Variants in ATRX observed in about 807,000 individuals in gnomAD.
The protein encoded by ATRX is chromatin remodeler ATRX.
Under a neutral mutation model 172.6 loss-of-function variants are expected in ATRX, and 12 were observed. The observed-to-expected ratio is 0.07, with a 90% CI of 0.04 to 0.11. The LOEUF (loss-of-function observed/expected upper bound fraction) is 0.11, where lower values mean the gene tolerates loss of function less well. Among genes scored for constraint, ATRX ranks in the 10% least tolerant of loss-of-function variants. The pLI is 1.00. For missense variants in ATRX, 1,368 were observed against 1,767.4 expected, an observed-to-expected ratio of 0.77 and a Z score of 4.05; for synonymous variants, 674 against 594.7, an observed-to-expected ratio of 1.13 and a Z score of -1.94.
At chrX:77,536,859 G>A (rs781863343) in intron 30 of ATRX, among the ~76,000 whole-genome samples, 9 of 111,033 alleles carry the variant, frequency 8.1e-5, no homozygotes, top group East Asian at 5.6e-4. Context: ...ACACACGCAC[G>A]TGCACACACA....
chrX:77,696,574 T>C lies in ATRX; in HGVS notation c.370+3A>G. ...AACTTCATGAAAAATTAACACACAT[T>C]ACCTTTTGGCAAGCTCTGCATAGTA... On this transcript the variant is annotated splice_donor_region_variant and intron_variant, in intron 5 of 34. Transcript: ENST00000373344. The C allele has an allele frequency of 8.3e-7, 1 of 1,205,097 alleles. No individual in the cohort carries two copies. The highest frequency in any genetic ancestry group is 1.1e-6 in the Non-Finnish European group (1 of 890,307).
chrX:77,564,514 T>G (rs1163365835), intron 28 of ATRX, among the ~76,000 whole-genome samples: 3 of 110,756 alleles, frequency 2.7e-5, no homozygotes, highest in Non-Finnish European at 5.7e-5. Flanking sequence ...GCCTCCCAAG[T>G]AGCTGGGACT....
chrX:77,660,963 C>T (rs1338134524), intron 12 of ATRX, among the ~76,000 whole-genome samples: 1 of 112,204 alleles, frequency 8.9e-6, no homozygotes, highest in Non-Finnish European at 1.9e-5. Context: ...TCAAGTCAAT[C>T]TTCCTCTTCT....
At chrX:77,557,759 A>C in intron 29 of ATRX, 114 bp from the exon 30 acceptor site, 1 of 644,805 alleles carries the variant, frequency 1.6e-6, no homozygotes, top group Non-Finnish European at 2.3e-6. Flanking sequence ...TTATGGTAGT[A>C]TATTGCCATA....
intron 21 of ATRX, 91 bp downstream of exon 21, chrX:77,618,715 A>G: frequency 1.1e-6 from 1 of 940,824 alleles, no homozygotes; most frequent in Non-Finnish European, 1.5e-6. Context: ...GAAAGAAAAC[A>G]CAAAATTATT....
chrX:77,579,161 C>A (rs1557072306), intron 27 of ATRX, among the ~76,000 whole-genome samples: 1 of 112,640 alleles, frequency 8.9e-6, no homozygotes, highest in Non-Finnish European at 1.9e-5. Context: ...ACATTTCTGG[C>A]TCCAGGCCCT....
intron 3 of ATRX, among the ~76,000 whole-genome samples, chrX:77,697,885 G>A (rs782078938): frequency 1.8e-5 from 2 of 111,699 alleles, no homozygotes; most frequent in Non-Finnish European, 3.8e-5. Flanking sequence ...TAAATTTCTC[G>A]TTTTTTACAT....
At chrX:77,647,015 C>T (rs2068954734) in intron 15 of ATRX, among the ~76,000 whole-genome samples, 1 of 110,208 alleles carries the variant, frequency 9.1e-6, no homozygotes, top group African/African-American at 3.3e-5. Flanking sequence ...AGTGCACATT[C>T]TCAAGGACAG....
At chrX:77,733,535 G>A (rs782092885) in intron 1 of ATRX, among the ~76,000 whole-genome samples, 5 of 109,305 alleles carry the variant, frequency 4.6e-5, no homozygotes, top group Admixed American at 9.9e-5. Flanking sequence ...TTCTAGAAAG[G>A]TGCCGAGAAC....
Position 77,682,908 on chromosome X carries a change from C to G in ATRX, c.2348G>C (p.Ser783Thr), listed in dbSNP as rs782530243. Residue 783 changes from serine (S) to threonine (T), a missense_variant, in exon 9 of 35, where the codon AGT becomes ACT. This residue lies in a region of ATRX where 843 missense variants were observed against 643.1 expected (regional missense o/e 1.31). Transcript: ENST00000373344. The stretch of plus-strand genomic sequence containing the variant: ...ATCAAAATCTGAGCCAGATGTAGAA[C>G]TTTTTCGTTTCCTTTTTCCTTTATC... ...KDDKGKRKRK[S>T]STSGSDFDTK... 2.1e-5 allele frequency: 26 copies of G among 1,210,642 alleles called. No individual in the cohort carries two copies. Among genetic ancestry groups the G allele is most frequent in the Non-Finnish European group, 2.7e-5 (24 of 895,174 alleles).
chrX:77,632,593 G>A (rs1239342351), intron 19 of ATRX, among the ~76,000 whole-genome samples: 1 of 112,019 alleles, frequency 8.9e-6, no homozygotes, highest in Non-Finnish European at 1.9e-5. Context: ...CCTCAATAGT[G>A]TCTTAAATAT....
chrX:77,657,013 C>T (rs1557120190), intron 12 of ATRX, among the ~76,000 whole-genome samples: 1 of 111,153 alleles, frequency 9.0e-6, no homozygotes, highest in Non-Finnish European at 1.9e-5. Context: ...GTAGGCTGGC[C>T]AAGATGGAGT....
At position 77,603,459 on chromosome X, in the gene ATRX, G is replaced by A. The variant is rs184205669; in HGVS notation, c.5567-2895C>T. 5.8e-3 allele frequency among the ~76,000 whole-genome samples: 635 copies of A among 109,133 alleles called. 2 individuals are homozygous for A. The highest frequency in any genetic ancestry group is 0.02 in the African/African-American group (594 of 29,959). 94.8% of individuals were successfully genotyped at this position (109,133 alleles called of 115,157 possible). ...CGGCTCACTGCAATCTCCGCCTCCCGGGTTCAAGCCATTCTCCTGCCTCAG... is the reference window on the plus strand; with the variant it reads ...CGGCTCACTGCAATCTCCGCCTCCCAGGTTCAAGCCATTCTCCTGCCTCAG... On this transcript the variant is annotated intron_variant, in intron 22 of 34. Coordinates refer to ENST00000373344, the MANE Select transcript of ATRX (RefSeq NM_000489.6).
intron 9 of ATRX, among the ~76,000 whole-genome samples, chrX:77,678,783 A>G (rs1201290046): frequency 2.7e-5 from 3 of 110,200 alleles, no homozygotes; most frequent in African/African-American, 9.9e-5. Flanking sequence ...TTCTAGTTTT[A>G]TATCTTTCTT....
intron 30 of ATRX, among the ~76,000 whole-genome samples, chrX:77,538,528 T>C (rs2063841701): frequency 9.0e-6 from 1 of 111,495 alleles, no homozygotes; most frequent in Admixed American, 9.6e-5. Context: ...CAATTAACAC[T>C]ATTCAGGTGA....
chrX:77,564,889 T>C (rs2147980068), intron 28 of ATRX, among the ~76,000 whole-genome samples: 1 of 111,586 alleles, frequency 9.0e-6, no homozygotes, highest in Non-Finnish European at 1.9e-5. Context: ...TCCTCACCTT[T>C]CTACCGTAAC....
chrX:77,550,334 T>C (rs1406811982), intron 30 of ATRX, among the ~76,000 whole-genome samples: 1 of 111,929 alleles, frequency 8.9e-6, no homozygotes, highest in African/African-American at 3.2e-5. Context: ...ATAAACGTAA[T>C]CCAGCATATA....
chrX:77,734,726 G>C (rs1361237846), intron 1 of ATRX, among the ~76,000 whole-genome samples: 1 of 111,241 alleles, frequency 9.0e-6, no homozygotes, highest in Admixed American at 9.6e-5. Flanking sequence ...GGCAGAGGCT[G>C]CATGCAGTGA....
At chrX:77,693,667 G>A in intron 6 of ATRX, 157 bp downstream of exon 6, 2 of 467,907 alleles carry the variant, frequency 4.3e-6, no homozygotes, top group Admixed American at 6.7e-5. Context: ...AACCTTTTCT[G>A]CTTCAGAGCT....
Sources: allele counts gnomAD v4.1 joint callset (sites outside exome capture counted in the v4.1 genomes callset), GRCh38; gene constraint gnomAD v4.1.1; regional missense constraint gnomAD v4.1.1; transcripts MANE v1.5; gene names NCBI Gene and HGNC (gene_info 2026-07-23, HGNC 2026-07-21).